The following NUP155 variants were observed in gnomAD, a reference collection of about 807,000 sequenced individuals.
NUP155 encodes the protein nuclear pore complex protein Nup155.
A neutral mutation model predicts 180.4 loss-of-function variants in NUP155; 71 were observed. The ratio of observed to expected loss-of-function variants is 0.39; its 90% CI spans 0.33 to 0.48. The LOEUF is 0.48. Among genes scored for constraint, NUP155 ranks in the 20% least tolerant of loss-of-function variants. The pLI is 0.91. For missense variants in NUP155, 1,553 were observed against 1,648.9 expected, an observed-to-expected ratio of 0.94 and a Z score of 1.01; for synonymous variants, 582 against 559.5, an observed-to-expected ratio of 1.04 and a Z score of -0.57.
At chr5:37,346,686 A>AG (rs1188921766) in intron 9 of NUP155, among the ~76,000 whole-genome samples, 5 of 151,826 alleles carry the variant, frequency 3.3e-5, no homozygotes, top group African/African-American at 1.2e-4. Flanking sequence ...ACAAAAAAAA[A>AG]AGAGAGAGAG....
chr5:37,350,328 T>C (rs1746374692), intron 6 of NUP155, 63 bp from the exon 7 acceptor site: 1 of 1,008,842 alleles, frequency 9.9e-7, no homozygotes, highest in Non-Finnish European at 1.6e-6. Context: ...ATAACTACTG[T>C]ATATCCATAT....
At chr5:37,342,901 T>C (rs1194068159) in intron 9 of NUP155, among the ~76,000 whole-genome samples, 1 of 151,622 alleles carries the variant, frequency 6.6e-6, no homozygotes, top group African/African-American at 2.4e-5. Context: ...CACGCCCAGG[T>C]AATTTTTGTG....
In NUP155 at chr5:37,330,091, G is replaced by A. The variant is rs769082386; in HGVS notation, c.1671C>T (p.Ser557=). 4 of 1,613,734 alleles carry A rather than the reference G, an allele frequency of 2.5e-6. No individual in the cohort carries two copies. Among genetic ancestry groups the A allele is most frequent in the South Asian group, 2.2e-5 (2 of 91,012 alleles). Residue 557 remains serine (S), a synonymous_variant, in exon 15 of 35, where the codon TCC becomes TCT. Coordinates refer to ENST00000231498, the MANE Select transcript of NUP155 (RefSeq NM_153485.3). ...ATACTTCTCTATCACAGGCAGCAGT[G>A]GAGCAAGCAAGAATAAGGCAAGTTG... ...ACATCLILAC[S]TAACDREVSA... is the part of the protein sequence containing the mutation.
chr5:37,341,864 T>C (rs988845423), intron 10 of NUP155, among the ~76,000 whole-genome samples: 2 of 152,104 alleles, frequency 1.3e-5, no homozygotes, highest in Non-Finnish European at 2.9e-5. Flanking sequence ...TAAATTACCA[T>C]ATAGACTATC....
chr5:37,331,276 A>C (rs1359446738), intron 14 of NUP155, among the ~76,000 whole-genome samples: 1 of 152,104 alleles, frequency 6.6e-6, no homozygotes, highest in Non-Finnish European at 1.5e-5. Context: ...GAATATTGTT[A>C]AGATTATCTA....
At chr5:37,297,143 G>A (rs1327032587) in intron 32 of NUP155, among the ~76,000 whole-genome samples, 1 of 152,012 alleles carries the variant, frequency 6.6e-6, no homozygotes, top group Admixed American at 6.6e-5. Context: ...TCCTAACTCA[G>A]CCTGATTAGC....
At chr5:37,301,681 G>T (rs972245729) in intron 29 of NUP155, 131 bp from the exon 30 acceptor site, 308 of 690,106 alleles carry the variant, frequency 4.5e-4, no homozygotes, top group Admixed American at 1.2e-3. Flanking sequence ...TATCATAATA[G>T]GCTAATATTA....
intron 19 of NUP155, among the ~76,000 whole-genome samples, chr5:37,324,725 T>C (rs1440804554): frequency 1.3e-5 from 2 of 152,172 alleles, no homozygotes; most frequent in African/African-American, 4.8e-5. Flanking sequence ...TTTAATCTTA[T>C]TTTATTTTAT....
chr5:37,329,118 G>T, intron 16 of NUP155, 72 bp downstream of exon 16: 1 of 1,061,716 alleles, frequency 9.4e-7, no homozygotes, highest in South Asian at 1.3e-5. Context: ...AAGGCTTATT[G>T]ATAAAAATTG....
intron 3 of NUP155, among the ~76,000 whole-genome samples, chr5:37,360,199 G>A (rs1246296565): frequency 2.6e-5 from 4 of 152,078 alleles, no homozygotes; most frequent in Non-Finnish European, 5.9e-5. Flanking sequence ...AGAAGTCAGC[G>A]AGGCTGGGTG....
intron 1 of NUP155, among the ~76,000 whole-genome samples, chr5:37,366,193 G>A (rs796671252): frequency 7.9e-5 from 12 of 152,192 alleles, no homozygotes; most frequent in Admixed American, 2.6e-4. Flanking sequence ...CCTTGCTCCC[G>A]GACAAGGCGT....
chr5:37,315,669 G>A (rs1042445577), intron 21 of NUP155, among the ~76,000 whole-genome samples: 2 of 152,174 alleles, frequency 1.3e-5, no homozygotes, highest in Admixed American at 6.5e-5. Flanking sequence ...CTGGCCAGGC[G>A]CAGTGGCTCA....
At chr5:37,333,399 G>T in intron 13 of NUP155, 64 bp downstream of exon 13, 1 of 1,401,648 alleles carries the variant, frequency 7.1e-7, no homozygotes, top group Non-Finnish European at 1.0e-6. Context: ...CTACTTCAGA[G>T]AACTTGACAA....
At chr5:37,354,638 T>C (rs1210225254) in intron 4 of NUP155, among the ~76,000 whole-genome samples, 1 of 151,188 alleles carries the variant, frequency 6.6e-6, no homozygotes, top group Non-Finnish European at 1.5e-5. Context: ...TTTCTGTTTT[T>C]TGCAGACAGG....
chr5:37,364,312 T>C lies in NUP155; in HGVS notation c.230A>G (p.Asn77Ser). 9 of 1,612,138 alleles carry C rather than the reference T, an allele frequency of 5.6e-6. No individual in the cohort carries two copies. Among genetic ancestry groups the C allele is most frequent in the Non-Finnish European group, 7.6e-6 (9 of 1,178,286 alleles). The change falls in exon 2 of 35, where the codon AAC becomes AGC. Residue 77 changes from asparagine to serine, a missense_variant. By Grantham distance (46) the Asn-to-Ser change is conservative. Coordinates refer to ENST00000231498, the MANE Select transcript of NUP155 (RefSeq NM_153485.3). ...TCGGATGGAACTGATCTCTGGAAGG[T>C]TGGGTACGGACAGCAAACCAGGTCC... ...LQGPGLLSVP[N>S]LPEISSIRRV... is the part of the protein sequence containing the mutation.
chr5:37,296,511 C>T (rs1338096067), intron 32 of NUP155, among the ~76,000 whole-genome samples: 1 of 151,822 alleles, frequency 6.6e-6, no homozygotes, highest in African/African-American at 2.4e-5. Flanking sequence ...GAGTCATCAC[C>T]ACTCCCTAAT....
chr5:37,333,422 T>A, intron 13 of NUP155, 41 bp downstream of exon 13: 1 of 1,546,972 alleles, frequency 6.5e-7, no homozygotes. Flanking sequence ...ATATTATACA[T>A]CGCTTATTTT....
chr5:37,355,563 T>TC (rs1561810701), intron 4 of NUP155, among the ~76,000 whole-genome samples: 1 of 145,146 alleles, frequency 6.9e-6, no homozygotes, highest in African/African-American at 2.6e-5. Flanking sequence ...ATATATATAT[T>TC]TATTTATTTG....
intron 24 of NUP155, among the ~76,000 whole-genome samples, chr5:37,308,319 G>C (rs1362629156): frequency 6.6e-6 from 1 of 152,180 alleles, no homozygotes; most frequent in African/African-American, 2.4e-5. Flanking sequence ...TTGAGAGGCT[G>C]AGATGGGTGG....
Sources: gnomAD v4.1 joint callset for allele counts (sites outside exome capture counted in the v4.1 genomes callset) on GRCh38, gnomAD v4.1.1 for gene constraint, MANE v1.5 for transcripts, NCBI Gene and HGNC (gene_info 2026-07-23, HGNC 2026-07-21) for gene names.